The following OSBPL1A variants were observed in gnomAD, a reference collection of about 807,000 sequenced individuals.
The protein encoded by OSBPL1A is oxysterol-binding protein-related protein 1.
Under a neutral mutation model 137.1 loss-of-function variants are expected in OSBPL1A, and 80 were observed. The observed-to-expected ratio is 0.58, with a 90% CI of 0.49 to 0.70. OSBPL1A has a LOEUF of 0.70. Among genes scored for constraint, OSBPL1A ranks in the 30% least tolerant of loss-of-function variants. The pLI is 0.00. For synonymous variants in OSBPL1A, 365 were observed against 389.7 expected (o/e 0.94, Z 0.75); for missense variants, 970 against 1,129.4 (o/e 0.86, Z 2.02).
chr18:24,301,289 A>AT (rs1388023606), intron 14 of OSBPL1A: 1 of 152,246 alleles, frequency 6.6e-6, no homozygotes, highest in African/African-American at 2.4e-5. Context: ...ACAGATATAC[A>AT]TACCATCATT....
chr18:24,264,677 C>T (rs1485109433), intron 15 of OSBPL1A, among the ~76,000 whole-genome samples: 1 of 152,200 alleles, frequency 6.6e-6, no homozygotes, highest in Non-Finnish European at 1.5e-5. Context: ...TACCCTTGGC[C>T]ATCTGCTTAT....
At chr18:24,319,435 C>G (rs1005568800) in intron 7 of OSBPL1A, among the ~76,000 whole-genome samples, 2 of 152,186 alleles carry the variant, frequency 1.3e-5, no homozygotes, top group Non-Finnish European at 2.9e-5. Flanking sequence ...CACGCTTCAG[C>G]CGTCTCGCTG....
At chr18:24,298,706 C>A (rs1228485054) in intron 14 of OSBPL1A, among the ~76,000 whole-genome samples, 1 of 152,182 alleles carries the variant, frequency 6.6e-6, no homozygotes. Flanking sequence ...ATTGGGACCC[C>A]TTTCCTGTAA....
chr18:24,166,043 G>A (rs1023294478), intron 26 of OSBPL1A, among the ~76,000 whole-genome samples: 2 of 152,158 alleles, frequency 1.3e-5, no homozygotes, highest in Non-Finnish European at 1.5e-5. Context: ...GTTGCAGTGA[G>A]CCGAGATTGC....
chr18:24,170,493 TTG>T (rs780828284), intron 23 of OSBPL1A, 40 bp from the exon 24 acceptor site: 1 of 1,612,792 alleles, frequency 6.2e-7, no homozygotes, highest in Admixed American at 1.7e-5. Context: ...AAACCAGTGT[TTG>T]TTTTTTTAAA....
intron 15 of OSBPL1A, among the ~76,000 whole-genome samples, chr18:24,255,525 T>G (rs2089245188): frequency 6.6e-6 from 1 of 152,044 alleles, no homozygotes; most frequent in Non-Finnish European, 1.5e-5. Flanking sequence ...AATCACAAAC[T>G]CAAAAGAATG....
intron 23 of OSBPL1A, among the ~76,000 whole-genome samples, chr18:24,171,182 C>T (rs1196582606): frequency 6.6e-6 from 1 of 151,800 alleles, no homozygotes; most frequent in Non-Finnish European, 1.5e-5. Context: ...TACAGGTGTC[C>T]ACCACCATGC....
chr18:24,193,668 A>G (rs1394164281), intron 18 of OSBPL1A, among the ~76,000 whole-genome samples: 1 of 152,132 alleles, frequency 6.6e-6, no homozygotes, highest in Non-Finnish European at 1.5e-5. Flanking sequence ...CTTTCAATCC[A>G]CATTAATAAA....
chr18:24,175,305 C>G (rs78015848), intron 21 of OSBPL1A, among the ~76,000 whole-genome samples: 14,020 of 151,394 alleles, frequency 0.093, 782 homozygotes, highest in Middle Eastern at 0.27. Flanking sequence ...CCCACCTGAG[C>G]CTCCCAAGCA....
At chr18:24,208,069 T>A (rs1394549995) in intron 17 of OSBPL1A, among the ~76,000 whole-genome samples, 2 of 152,158 alleles carry the variant, frequency 1.3e-5, no homozygotes, top group Admixed American at 6.5e-5. Context: ...TAAATATAAT[T>A]TAATGACACA....
chr18:24,313,123 A>G (rs1213914697), intron 12 of OSBPL1A, among the ~76,000 whole-genome samples: 2 of 146,816 alleles, frequency 1.4e-5, no homozygotes, highest in Non-Finnish European at 3.0e-5. Flanking sequence ...GGGAGGCTCT[A>G]TCTCTAAATA....
intron 17 of OSBPL1A, among the ~76,000 whole-genome samples, chr18:24,201,014 C>T (rs867021966): frequency 1.3e-5 from 2 of 151,870 alleles, no homozygotes; most frequent in South Asian, 2.1e-4. Context: ...TAAGAACAGA[C>T]GAGAGCAGCA....
intron 15 of OSBPL1A, among the ~76,000 whole-genome samples, chr18:24,240,980 C>T (rs894852110): frequency 1.8e-4 from 27 of 152,152 alleles, no homozygotes; most frequent in Admixed American, 1.7e-3. Flanking sequence ...CACACGTCTA[C>T]CACCATCTGA....
intron 24 of OSBPL1A, 51 bp from the exon 25 acceptor site, chr18:24,167,496 A>C: frequency 7.1e-7 from 1 of 1,417,156 alleles, no homozygotes. Flanking sequence ...TTTAAGATAC[A>C]GTCAAGCACC....
chr18:24,290,421 C>A (rs1032243666), intron 14 of OSBPL1A, among the ~76,000 whole-genome samples: 1 of 152,206 alleles, frequency 6.6e-6, no homozygotes, highest in Non-Finnish European at 1.5e-5. Context: ...TGGCTCACGC[C>A]TGTAATCCCA....
At chr18:24,363,392 A>T (rs1201142608) in intron 4 of OSBPL1A, among the ~76,000 whole-genome samples, 1 of 151,646 alleles carries the variant, frequency 6.6e-6, no homozygotes, top group African/African-American at 2.4e-5. Context: ...CTCTCTGACG[A>T]ATCTCTCATA....
chr18:24,351,325 G>C (rs140972306), intron 4 of OSBPL1A, among the ~76,000 whole-genome samples: 1,462 of 100,286 alleles, frequency 0.015, 29 homozygotes, highest in African/African-American at 0.054. Flanking sequence ...TTCCAGCCTG[G>C]ACAACAGAGA....
At chr18:24,379,864 C>A (rs1906457819) in intron 1 of OSBPL1A, among the ~76,000 whole-genome samples, 1 of 151,962 alleles carries the variant, frequency 6.6e-6, no homozygotes, top group South Asian at 2.1e-4. Context: ...GAGCAAGACA[C>A]CGTCTTAAAA....
intron 1 of OSBPL1A, among the ~76,000 whole-genome samples, chr18:24,391,575 AATT>A (rs1433243342): frequency 1.3e-5 from 2 of 151,044 alleles, no homozygotes; most frequent in Non-Finnish European, 3.0e-5. Context: ...AAAAAAAAAA[AATT>A]AATTACCAAA....
Sources: allele counts gnomAD v4.1 joint callset (sites outside exome capture counted in the v4.1 genomes callset), GRCh38; gene constraint gnomAD v4.1.1; transcripts MANE v1.5; gene names NCBI Gene and HGNC (gene_info 2026-07-23, HGNC 2026-07-21).